GTF2F2: variants seen among roughly 807,000 people sequenced by gnomAD.
GTF2F2 encodes the protein ATP-dependent helicase GTF2F2.
In GTF2F2, 23 loss-of-function variants were observed where a neutral mutation model predicts 42.2. The observed-to-expected ratio is 0.55, with a 90% confidence interval of 0.39 to 0.77. GTF2F2 has a LOEUF of 0.77. Ranked by LOEUF, GTF2F2 falls within the 30% of genes least tolerant of loss-of-function variation. The probability of loss-of-function intolerance (pLI) is 0.00; values close to 1 mark genes in which losing one functional copy is unlikely to be tolerated. For missense variants in GTF2F2, 261 were observed against 287.2 expected (o/e 0.91, Z 0.66); for synonymous variants, 105 against 100.8 (o/e 1.04, Z -0.25).
rs547112111 is a variant in GTF2F2, at chr13:45,284,175, A to G, written c.*614A>G. On this transcript the variant is annotated 3_prime_UTR_variant, in exon 8 of 8. Transcript: ENST00000340473. ...ATGAGAAATGTGCAGGATCATGGTC[A>G]GTTGATGTTTCTTTTATTTGCTTTT... 30 of 152,306 alleles carry G rather than the reference A, an allele frequency of 2.0e-4. No homozygotes were observed. Among genetic ancestry groups the G allele is most frequent in the African/African-American group, 7.0e-4 (29 of 41,572 alleles). 9.4% of individuals were successfully genotyped at this position (152,306 alleles called of 1,614,324 possible). A position where few individuals can be genotyped will look rare whatever the true frequency, so the allele number is the denominator to read the frequency against.
At chr13:45,251,503 A>G (rs1377117626) in intron 5 of GTF2F2, among the ~76,000 whole-genome samples, 1 of 152,160 alleles carries the variant, frequency 6.6e-6, no homozygotes, top group East Asian at 1.9e-4. Context: ...AGTAGTAAAT[A>G]CTTATTGCAG....
At chr13:45,268,674 G>A (rs1338024094) in intron 7 of GTF2F2, among the ~76,000 whole-genome samples, 1 of 151,800 alleles carries the variant, frequency 6.6e-6, no homozygotes, top group Non-Finnish European at 1.5e-5. Context: ...ATTTATCTTT[G>A]TATTTATATA....
chr13:45,279,480 A>G (rs1027527262), intron 7 of GTF2F2, among the ~76,000 whole-genome samples: 7 of 152,140 alleles, frequency 4.6e-5, no homozygotes, highest in Non-Finnish European at 1.0e-4. Context: ...TGAATGGTCT[A>G]TTTTTATGGA....
At chr13:45,188,878 A>G (rs1417625566) in intron 4 of GTF2F2, among the ~76,000 whole-genome samples, 1 of 151,700 alleles carries the variant, frequency 6.6e-6, no homozygotes, top group South Asian at 2.1e-4. Context: ...AATTTGTGAT[A>G]TTCTTTACTG....
At position 45,252,869 on chromosome 13, in the gene GTF2F2, A is replaced by T; in HGVS notation, c.387-2A>T. The T allele has an allele frequency of 7.3e-7, 1 of 1,361,154 alleles. No individual in the cohort carries two copies. The highest frequency in any genetic ancestry group is 1.0e-6 in the Non-Finnish European group (1 of 997,566). The allele number at this position is 1,361,154 out of a possible 1,614,324, so 84.3% of individuals were successfully genotyped here. On this transcript the variant is annotated splice_acceptor_variant, in intron 5 of 7. Transcript: ENST00000340473. LOFTEE classifies it high-confidence loss of function. ...TTAATAATGCCTTATATTTTTTTTC[A>T]GATTGCAAATAGAAGAGTCTTCCAA...
At chr13:45,243,093 G>A (rs142761810) in intron 5 of GTF2F2, among the ~76,000 whole-genome samples, 3 of 151,898 alleles carry the variant, frequency 2.0e-5, no homozygotes, top group East Asian at 1.9e-4. Context: ...GTTGTTTCTC[G>A]GTATCCCCAG....
chr13:45,266,487 A>T (rs946381980), intron 6 of GTF2F2, among the ~76,000 whole-genome samples: 1 of 152,196 alleles, frequency 6.6e-6, no homozygotes, highest in African/African-American at 2.4e-5. Context: ...AACCCGTTTT[A>T]TAATCTGCCT....
At chr13:45,219,742 T>C (rs1054099560) in intron 5 of GTF2F2, 12 of 152,228 alleles carry the variant, frequency 7.9e-5, no homozygotes, top group Non-Finnish European at 1.6e-4. Flanking sequence ...GAAGATCTGC[T>C]AATCTATAAT....
chr13:45,121,295 CG>C lies in GTF2F2; in HGVS notation c.66+575del, dbSNP rs571855125. 2.3e-4 allele frequency among the ~76,000 whole-genome samples: 35 copies of C among 152,280 alleles called. 1 individual carries two copies. In the South Asian group the frequency reaches 7.2e-3, roughly 32 times the overall value. ...TCTCGTGAAACTGGCCGTCAATAAA[CG>C]TTTTATGTGAAGACAGCAATTTTGG... On this transcript the variant is annotated intron_variant, in intron 1 of 7. Transcript: ENST00000340473.
At chr13:45,138,601 T>G (rs959300694) in intron 2 of GTF2F2, among the ~76,000 whole-genome samples, 1 of 152,224 alleles carries the variant, frequency 6.6e-6, no homozygotes, top group African/African-American at 2.4e-5. Context: ...TTATAATCCA[T>G]TTCAGAGAAC....
intron 4 of GTF2F2, among the ~76,000 whole-genome samples, chr13:45,191,224 A>AAAATATATATATATATATATATATATAT: frequency 1.3e-5 from 1 of 75,306 alleles, no homozygotes; most frequent in Non-Finnish European, 2.2e-5. Flanking sequence ...ACAAAAAAAA[A>AAAATATATATATATATATATATATATAT]ATATATATAT....
intron 4 of GTF2F2, among the ~76,000 whole-genome samples, chr13:45,177,894 T>C (rs1391017499): frequency 1.3e-5 from 2 of 152,200 alleles, no homozygotes; most frequent in East Asian, 3.8e-4. Context: ...GTTTTTTCTG[T>C]GGAGAATTCT....
At chr13:45,195,898 T>C (rs1282688768) in intron 4 of GTF2F2, among the ~76,000 whole-genome samples, 1 of 152,184 alleles carries the variant, frequency 6.6e-6, no homozygotes, top group Admixed American at 6.5e-5. Context: ...TCAGGTGATC[T>C]GCCCACCTCA....
intron 4 of GTF2F2, among the ~76,000 whole-genome samples, chr13:45,152,759 T>G (rs1356204601): frequency 6.6e-6 from 1 of 152,214 alleles, no homozygotes; most frequent in Non-Finnish European, 1.5e-5. Context: ...AACTTTCTTG[T>G]GGCACACACT....
At chr13:45,255,021 G>C (rs959106238) in intron 6 of GTF2F2, among the ~76,000 whole-genome samples, 20 of 151,944 alleles carry the variant, frequency 1.3e-4, no homozygotes, top group African/African-American at 4.4e-4. Flanking sequence ...ACAAAAATTA[G>C]CCAGGAGTGG....
intron 5 of GTF2F2, among the ~76,000 whole-genome samples, chr13:45,213,331 G>C (rs548238871): frequency 6.6e-6 from 1 of 151,898 alleles, no homozygotes; most frequent in African/African-American, 2.4e-5. Flanking sequence ...CACCCGCCTC[G>C]GCCCCTCAAA....
At chr13:45,188,401 CAT>C (rs1394492549) in intron 4 of GTF2F2, among the ~76,000 whole-genome samples, 9 of 152,188 alleles carry the variant, frequency 5.9e-5, no homozygotes, top group Non-Finnish European at 7.4e-5. Context: ...CAGAATTAAA[CAT>C]GTGCTTGTTA....
chr13:45,212,091 A>G (rs1038018854), intron 5 of GTF2F2, among the ~76,000 whole-genome samples: 20 of 152,124 alleles, frequency 1.3e-4, no homozygotes, highest in South Asian at 4.1e-4. Context: ...AGTGCTATTG[A>G]ATGTAATATG....
chr13:45,273,578 A>G (rs1876892263), intron 7 of GTF2F2, among the ~76,000 whole-genome samples: 1 of 150,904 alleles, frequency 6.6e-6, no homozygotes, highest in African/African-American at 2.5e-5. Flanking sequence ...CAAAAATTAT[A>G]TTTTCTGAAA....
Sources: allele counts gnomAD v4.1 joint callset (sites outside exome capture counted in the v4.1 genomes callset), GRCh38; gene constraint gnomAD v4.1.1; transcripts MANE v1.5; gene names NCBI Gene and HGNC (gene_info 2026-07-23, HGNC 2026-07-21).